Variants in PDZRN4 observed in about 807,000 individuals in gnomAD.
The protein encoded by PDZRN4 is PDZ domain-containing RING finger protein 4.
PDZRN4 carries 70 observed loss-of-function variants against 99.0 expected under a neutral mutation model. The ratio of observed to expected loss-of-function variants is 0.71; its 90% CI spans 0.58 to 0.86. The LOEUF is 0.86. Among genes scored for constraint, PDZRN4 ranks in the 40% least tolerant of loss-of-function variants. The pLI, the probability that PDZRN4 is intolerant of heterozygous loss-of-function variation, is 0.00. For synonymous variants in PDZRN4, 551 were observed against 501.6 expected (o/e 1.10, Z -1.32); for missense variants, 1,474 against 1,331.2 (o/e 1.11, Z -1.67).
intron 3 of PDZRN4, among the ~76,000 whole-genome samples, chr12:41,254,081 TG>T (rs1951188789): frequency 6.6e-6 from 1 of 151,842 alleles, no homozygotes; most frequent in Non-Finnish European, 1.5e-5. Context: ...TTATTACCTT[TG>T]AACTACACAC....
At position 41,203,339 on chromosome 12, in the gene PDZRN4, G is replaced by A. The variant is rs74348604; in HGVS notation, c.843+9151G>A. Among the ~76,000 whole-genome samples the A allele has an allele frequency of 6.8e-3, 1,038 of 152,010 alleles. 7 individuals carry two copies. The highest frequency in any genetic ancestry group is 0.024 in the African/African-American group (1,002 of 41,496). On this transcript the variant is annotated intron_variant, in intron 3 of 9. Coordinates refer to ENST00000402685, the MANE Select transcript of PDZRN4 (RefSeq NM_001164595.2). ...TAGCCTAAGAGCTTTAAGCTTTAAG[G>A]GGAAATGGTACTTGAAAGGACTCTT... is the stretch of plus-strand genomic sequence containing the variant.
chr12:41,302,713 G>A (rs978105962), intron 3 of PDZRN4, among the ~76,000 whole-genome samples: 2 of 151,994 alleles, frequency 1.3e-5, no homozygotes, highest in South Asian at 2.1e-4. Context: ...AGATGTCACA[G>A]CCTTGTAGAA....
At chr12:41,198,692 A>G (rs892509684) in intron 3 of PDZRN4, among the ~76,000 whole-genome samples, 7 of 151,412 alleles carry the variant, frequency 4.6e-5, no homozygotes, top group African/African-American at 1.7e-4. Context: ...GCACACCAGC[A>G]TGGCACATGT....
chr12:41,275,964 G>A (rs1020620062), intron 3 of PDZRN4, among the ~76,000 whole-genome samples: 3 of 152,132 alleles, frequency 2.0e-5, no homozygotes, highest in African/African-American at 7.2e-5. Context: ...TTCGGAGTTG[G>A]GTAAATGGTT....
intron 3 of PDZRN4, among the ~76,000 whole-genome samples, chr12:41,505,986 T>A (rs1200866200): frequency 1.3e-5 from 2 of 152,140 alleles, no homozygotes; most frequent in African/African-American, 4.8e-5. Context: ...GGCAATAACA[T>A]GGTCTTGGAT....
chr12:41,391,368 G>A (rs1490662411), intron 3 of PDZRN4, among the ~76,000 whole-genome samples: 2 of 152,168 alleles, frequency 1.3e-5, no homozygotes, highest in Non-Finnish European at 2.9e-5. Context: ...CTTCCAGGGA[G>A]GAACAACTCC....
intron 5 of PDZRN4, among the ~76,000 whole-genome samples, chr12:41,510,198 T>A (rs1339878315): frequency 6.6e-6 from 1 of 152,172 alleles, no homozygotes; most frequent in Admixed American, 6.6e-5. Flanking sequence ...CTATAATATA[T>A]GTGGATTTCC....
rs758541621 is a variant in PDZRN4 at position 41,552,771 on chromosome 12, A to AG, written c.1302+21dup. 1 of 1,593,734 alleles carries AG rather than the reference A, an allele frequency of 6.3e-7. No individual in the cohort carries two copies. Among genetic ancestry groups the AG allele is most frequent in the African/African-American group, 1.3e-5 (1 of 74,480 alleles). ...GTCAGCGAGGTAAGAAACGCCATGG[A>AG]GGGGAAATTCGAGGAGGGAGACTAG... On this transcript the variant is annotated intron_variant, in intron 6 of 9. Coordinates refer to ENST00000402685, the MANE Select transcript of PDZRN4 (RefSeq NM_001164595.2).
chr12:41,236,273 A>C (rs192081426), intron 3 of PDZRN4, among the ~76,000 whole-genome samples: 4 of 152,288 alleles, frequency 2.6e-5, no homozygotes, highest in African/African-American at 9.6e-5. Context: ...GGGATCAAAG[A>C]TCAAAGAAAT....
Position 41,346,019 on chromosome 12 carries a change from A to T in PDZRN4, c.843+151831A>T, listed in dbSNP as rs186478912. Among the ~76,000 whole-genome samples, 260 of 152,232 alleles carry T rather than the reference A, an allele frequency of 1.7e-3. 1 individual carries two copies. Among genetic ancestry groups the T allele is most frequent in the African/African-American group, 5.6e-3 (234 of 41,538 alleles). ...GGATATTCAGTCTGTGTTAAACTTT[A>T]TGTTTTCTCATTTAATCTTGAAATG... On this transcript the variant is annotated intron_variant, in intron 3 of 9. Coordinates refer to ENST00000402685, the MANE Select transcript of PDZRN4 (RefSeq NM_001164595.2).
At chr12:41,199,073 T>A (rs376301692) in intron 3 of PDZRN4, among the ~76,000 whole-genome samples, 1 of 152,174 alleles carries the variant, frequency 6.6e-6, no homozygotes, top group South Asian at 2.1e-4. Flanking sequence ...CATTTAGGCA[T>A]GTTATTGAAT....
intron 8 of PDZRN4, among the ~76,000 whole-genome samples, chr12:41,564,176 A>T (rs285547): frequency 0.22 from 33,508 of 152,156 alleles, 3,811 homozygotes; most frequent in South Asian, 0.32. Flanking sequence ...AATCTTTTTA[A>T]AATAACTTTA....
intron 3 of PDZRN4, among the ~76,000 whole-genome samples, chr12:41,430,579 T>C (rs1389158853): frequency 2.0e-5 from 3 of 152,158 alleles, no homozygotes; most frequent in African/African-American, 7.2e-5. Context: ...ATGCATCACA[T>C]TTACACAATG....
chr12:41,572,306 T>A, intron 9 of PDZRN4, 58 bp from the exon 10 acceptor site: 1 of 1,432,544 alleles, frequency 7.0e-7, no homozygotes, highest in Non-Finnish European at 9.5e-7. Context: ...AGATTTTTAA[T>A]AACAAATGTC....
chr12:41,361,348 G>T (rs1430248141), intron 3 of PDZRN4, among the ~76,000 whole-genome samples: 1 of 152,004 alleles, frequency 6.6e-6, no homozygotes, highest in Non-Finnish European at 1.5e-5. Flanking sequence ...AAGGCAAAAA[G>T]AACATGATTC....
chr12:41,353,754 C>T (rs1231650789), intron 3 of PDZRN4, among the ~76,000 whole-genome samples: 1 of 152,064 alleles, frequency 6.6e-6, no homozygotes, highest in African/African-American at 2.4e-5. Context: ...GCCTCCCTAA[C>T]AACTCTGTAA....
intron 3 of PDZRN4, among the ~76,000 whole-genome samples, chr12:41,370,505 T>A (rs1235589803): frequency 6.6e-6 from 1 of 151,994 alleles, no homozygotes; most frequent in Non-Finnish European, 1.5e-5. Flanking sequence ...TTTCACTTTG[T>A]CTTTGATGTC....
At chr12:41,368,205 G>C (rs1952016044) in intron 3 of PDZRN4, among the ~76,000 whole-genome samples, 1 of 152,080 alleles carries the variant, frequency 6.6e-6, no homozygotes, top group South Asian at 2.1e-4. Flanking sequence ...GTTGAAAATA[G>C]GACCTGCACA....
At chr12:41,405,295 C>T (rs1952337926) in intron 3 of PDZRN4, among the ~76,000 whole-genome samples, 1 of 152,022 alleles carries the variant, frequency 6.6e-6, no homozygotes, top group Admixed American at 6.5e-5. Flanking sequence ...AGGACATGAA[C>T]AGACACTTCT....
Sources: gnomAD v4.1 joint callset for allele counts (sites outside exome capture counted in the v4.1 genomes callset) on GRCh38, gnomAD v4.1.1 for gene constraint, MANE v1.5 for transcripts, NCBI Gene and HGNC (gene_info 2026-07-23, HGNC 2026-07-21) for gene names.